MCUB: variants seen among roughly 807,000 people sequenced by gnomAD.
MCUB encodes the protein mitochondrial calcium uniporter dominant negative subunit beta, also known as calcium uniporter regulatory subunit MCUb, mitochondrial.
A neutral mutation model predicts 41.4 loss-of-function variants in MCUB; 46 were observed. The ratio of observed to expected loss-of-function variants is 1.11; its 90% CI spans 0.88 to 1.42. MCUB has a LOEUF of 1.42. Among genes scored for constraint, MCUB ranks in the 40% most tolerant of loss-of-function variants. MCUB has a pLI of 0.00. For missense variants in MCUB, 403 were observed against 404.9 expected (o/e 1.00, Z 0.04); for synonymous variants, 148 against 148.2 (o/e 1.00, Z 0.01).
At chr4:109,650,642 A>G (rs1347177818) in intron 1 of MCUB, among the ~76,000 whole-genome samples, 3 of 152,230 alleles carry the variant, frequency 2.0e-5, no homozygotes, top group African/African-American at 7.2e-5. Context: ...ACATAAGAAC[A>G]TTCTCCAACT....
At chr4:109,606,150 A>G (rs918022925) in intron 1 of MCUB, among the ~76,000 whole-genome samples, 9 of 152,006 alleles carry the variant, frequency 5.9e-5, no homozygotes, top group African/African-American at 2.2e-4. Context: ...AATATTTTGT[A>G]TTTTTAGTAG....
At chr4:109,623,646 A>G (rs181040198) in intron 1 of MCUB, among the ~76,000 whole-genome samples, 49 of 152,294 alleles carry the variant, frequency 3.2e-4, no homozygotes, top group African/African-American at 1.1e-3. Flanking sequence ...GAAATGTTGC[A>G]GGGTTCAAAT....
rs778679968 is a variant in MCUB, at chr4:109,660,168, A to T, written c.176-27A>T. 8.0e-6 allele frequency: 9 copies of T among 1,126,374 alleles called. No homozygotes were observed. In the Admixed American group the frequency reaches 2.6e-4, roughly 32 times the overall value. 69.8% of individuals were successfully genotyped at this position (1,126,374 alleles called of 1,614,324 possible). Reference sequence around the variant, plus strand: ...GTTTTTTTTAAAGTAAAATTTACTCATTTTTTTTTCTTTTTTTCCTTAACA... The same window carrying T: ...GTTTTTTTTAAAGTAAAATTTACTCTTTTTTTTTTCTTTTTTTCCTTAACA... On this transcript the variant is annotated intron_variant, in intron 2 of 7. Coordinates refer to ENST00000394650, the MANE Select transcript of MCUB (RefSeq NM_017918.5).
rs1306344390 is a variant in MCUB, at chr4:109,664,396, T to G, written c.451+2T>G. On this transcript the variant is annotated splice_donor_variant, in intron 4 of 7. Coordinates refer to ENST00000394650, the MANE Select transcript of MCUB (RefSeq NM_017918.5). LOFTEE classifies it high-confidence loss of function. ...ATGATGTGCAGTGTCCAAAGAGAGG[T>G]AAGAAACACAGCTATCCAACTATTA... The G allele has an allele frequency of 8.3e-7, 1 of 1,202,990 alleles. No homozygotes were observed. Among genetic ancestry groups the G allele is most frequent in the East Asian group, 2.3e-5 (1 of 42,860 alleles). 74.5% of individuals were successfully genotyped at this position (1,202,990 alleles called of 1,614,324 possible). A position where few individuals can be genotyped will look rare whatever the true frequency, so the allele number is the denominator to read the frequency against.
chr4:109,651,732 G>T (rs1728965815), intron 1 of MCUB, among the ~76,000 whole-genome samples: 1 of 151,972 alleles, frequency 6.6e-6, no homozygotes, highest in Non-Finnish European at 1.5e-5. Context: ...TTCCATAATT[G>T]TAGTTCCATT....
At chr4:109,658,237 T>C (rs115296698) in intron 1 of MCUB, among the ~76,000 whole-genome samples, 1,925 of 152,292 alleles carry the variant, frequency 0.013, 38 homozygotes, top group African/African-American at 0.044. Flanking sequence ...ATGTGAATCT[T>C]CTGAGGATCT....
intron 1 of MCUB, among the ~76,000 whole-genome samples, chr4:109,622,018 A>C (rs939140098): frequency 1.3e-5 from 2 of 152,128 alleles, no homozygotes; most frequent in African/African-American, 4.8e-5. Flanking sequence ...AGTAGCTGGG[A>C]TTACAGGCAC....
At chr4:109,650,165 G>A (rs940557299) in intron 1 of MCUB, among the ~76,000 whole-genome samples, 1 of 152,150 alleles carries the variant, frequency 6.6e-6, no homozygotes, top group South Asian at 2.1e-4. Flanking sequence ...AGCTCTGCAT[G>A]CATGATGGGT....
At chr4:109,612,834 C>T (rs567050558) in intron 1 of MCUB, among the ~76,000 whole-genome samples, 35 of 152,124 alleles carry the variant, frequency 2.3e-4, no homozygotes, top group Middle Eastern at 3.4e-3. Flanking sequence ...AGGCCGGGTG[C>T]GGTGTCTCAC....
At chr4:109,575,513 G>A (rs1167150263) in intron 1 of MCUB, among the ~76,000 whole-genome samples, 4 of 152,074 alleles carry the variant, frequency 2.6e-5, no homozygotes, top group Non-Finnish European at 5.9e-5. Context: ...ACTTTATAAC[G>A]AATCCAGCCA....
chr4:109,585,888 C>G (rs1315328453), intron 1 of MCUB, among the ~76,000 whole-genome samples: 1 of 152,150 alleles, frequency 6.6e-6, no homozygotes, highest in Admixed American at 6.5e-5. Flanking sequence ...TTTTTTCTTT[C>G]ATTTCAACAT....
At chr4:109,681,880 G>C (rs1729724538) in intron 4 of MCUB, among the ~76,000 whole-genome samples, 1 of 152,230 alleles carries the variant, frequency 6.6e-6, no homozygotes, top group Non-Finnish European at 1.5e-5. Flanking sequence ...GCAGTTTCAA[G>C]ATTTAATAGT....
intron 1 of MCUB, among the ~76,000 whole-genome samples, chr4:109,569,048 G>GT (rs1458122191): frequency 1.3e-5 from 2 of 152,026 alleles, no homozygotes; most frequent in Non-Finnish European, 2.9e-5. Context: ...GTGAACAGTA[G>GT]TCTTTTTTTT....
At chr4:109,588,538 T>C (rs1032415542) in intron 1 of MCUB, among the ~76,000 whole-genome samples, 5 of 152,232 alleles carry the variant, frequency 3.3e-5, no homozygotes, top group African/African-American at 1.2e-4. Context: ...CAAAGTTTGA[T>C]ATTGGAAATG....
At chr4:109,681,728 G>A (rs1011488478) in intron 4 of MCUB, among the ~76,000 whole-genome samples, 3 of 152,220 alleles carry the variant, frequency 2.0e-5, no homozygotes, top group Admixed American at 6.5e-5. Context: ...GGGGTGCCTC[G>A]CTGGATCAGG....
chr4:109,622,713 A>T (rs776257626), intron 1 of MCUB, among the ~76,000 whole-genome samples: 3 of 152,202 alleles, frequency 2.0e-5, no homozygotes, highest in African/African-American at 7.2e-5. Flanking sequence ...TTAATCCATC[A>T]TACACCTTAT....
intron 4 of MCUB, among the ~76,000 whole-genome samples, chr4:109,666,708 A>G (rs1337825944): frequency 6.6e-6 from 1 of 151,948 alleles, no homozygotes; most frequent in Non-Finnish European, 1.5e-5. Flanking sequence ...TTTTGCAAAT[A>G]TTTTCTCCCA....
At chr4:109,624,240 T>C (rs1219570898) in intron 1 of MCUB, among the ~76,000 whole-genome samples, 1 of 152,182 alleles carries the variant, frequency 6.6e-6, no homozygotes, top group Non-Finnish European at 1.5e-5. Flanking sequence ...GTTATGAGTT[T>C]GCTGCCAAAC....
chr4:109,622,324 G>A (rs984203215), intron 1 of MCUB, among the ~76,000 whole-genome samples: 3 of 152,164 alleles, frequency 2.0e-5, no homozygotes, highest in African/African-American at 7.2e-5. Flanking sequence ...CACACATCCT[G>A]TGGTAACCTG....
Sources: gnomAD v4.1 joint callset for allele counts (sites outside exome capture counted in the v4.1 genomes callset) on GRCh38, gnomAD v4.1.1 for gene constraint, MANE v1.5 for transcripts, NCBI Gene and HGNC (gene_info 2026-07-23, HGNC 2026-07-21) for gene names.